PKIB: variants seen among roughly 807,000 people sequenced by gnomAD.
PKIB encodes cAMP-dependent protein kinase inhibitor beta, also known as PKI-beta.
A neutral mutation model predicts 4.5 loss-of-function variants in PKIB; 2 were observed. The observed-to-expected ratio is 0.44, with a 90% CI of 0.18 to 1.39. The LOEUF (loss-of-function observed/expected upper bound fraction) is 1.39, where lower values mean the gene tolerates loss of function less well. Among genes scored for constraint, PKIB ranks in the 40% most tolerant of loss-of-function variants. The pLI, the probability that PKIB is intolerant of heterozygous loss-of-function variation, is 0.27. For synonymous variants in PKIB, 38 were observed against 36.0 expected (o/e 1.06, Z -0.20); for missense variants, 94 against 92.6 (o/e 1.02, Z -0.06).
intron 2 of PKIB, among the ~76,000 whole-genome samples, chr6:122,490,875 A>C (rs1775917958): frequency 6.6e-6 from 1 of 152,186 alleles, no homozygotes; most frequent in South Asian, 2.1e-4. Context: ...TCCATAGGGA[A>C]GCTCTAGAAC....
intron 2 of PKIB, among the ~76,000 whole-genome samples, chr6:122,541,425 T>G (rs1777596662): frequency 6.6e-6 from 1 of 151,906 alleles, no homozygotes; most frequent in African/African-American, 2.4e-5. Flanking sequence ...AGTATTTTAT[T>G]TCTCCTTCAC....
intron 2 of PKIB, among the ~76,000 whole-genome samples, chr6:122,545,552 A>C (rs1772468085): frequency 6.6e-6 from 1 of 151,508 alleles, no homozygotes; most frequent in African/African-American, 2.4e-5. Context: ...GGTAATCAGC[A>C]TAATACCCGA....
chr6:122,575,248 A>G (rs1773492672), intron 2 of PKIB, among the ~76,000 whole-genome samples: 2 of 152,206 alleles, frequency 1.3e-5, no homozygotes, highest in African/African-American at 4.8e-5. Flanking sequence ...AAGTCAAAAA[A>G]CAATAGATGT....
At chr6:122,680,358 T>G (rs11961403) in intron 3 of PKIB, among the ~76,000 whole-genome samples, 5,199 of 152,358 alleles carry the variant, frequency 0.034, 117 homozygotes, top group South Asian at 0.054. Flanking sequence ...TAGATTCTTC[T>G]GGGCTTCTCT....
intron 2 of PKIB, among the ~76,000 whole-genome samples, chr6:122,542,083 T>C (rs192116310): frequency 1.3e-5 from 2 of 152,178 alleles, no homozygotes; most frequent in Admixed American, 1.3e-4. Flanking sequence ...TATCCATTTG[T>C]CTAATTTTTT....
At chr6:122,574,404 A>G (rs895323630) in intron 2 of PKIB, among the ~76,000 whole-genome samples, 5 of 152,176 alleles carry the variant, frequency 3.3e-5, no homozygotes, top group African/African-American at 1.2e-4. Context: ...CAGAACTAGA[A>G]AAAACAATCC....
chr6:122,520,908 A>G (rs1776922815), intron 2 of PKIB, among the ~76,000 whole-genome samples: 1 of 152,138 alleles, frequency 6.6e-6, no homozygotes, highest in African/African-American at 2.4e-5. Flanking sequence ...TTGTGGAAGC[A>G]TTTTCCCTGC....
chr6:122,657,811 T>C (rs1330078985), intron 2 of PKIB, among the ~76,000 whole-genome samples: 1 of 152,214 alleles, frequency 6.6e-6, no homozygotes, highest in Admixed American at 6.5e-5. Flanking sequence ...ATAAAACCAA[T>C]AAAAATTCTT....
intron 3 of PKIB, among the ~76,000 whole-genome samples, chr6:122,597,314 G>C (rs1774209775): frequency 6.6e-6 from 1 of 152,190 alleles, no homozygotes; most frequent in Non-Finnish European, 1.5e-5. Flanking sequence ...GCCCTAAGGT[G>C]GGACAGTAAA....
At chr6:122,700,940 C>G (rs1022321765) in intron 3 of PKIB, 1 of 153,784 alleles carries the variant, frequency 6.5e-6, no homozygotes, top group Non-Finnish European at 1.4e-5. Flanking sequence ...CAAGATTGGC[C>G]ATTTGGTGTG....
At chr6:122,550,359 G>T (rs1254117920) in intron 2 of PKIB, among the ~76,000 whole-genome samples, 1 of 151,984 alleles carries the variant, frequency 6.6e-6, no homozygotes, top group Non-Finnish European at 1.5e-5. Context: ...TATATCAGAA[G>T]ATTTTGTTTA....
At chr6:122,570,778 T>C (rs1773340881) in intron 2 of PKIB, among the ~76,000 whole-genome samples, 1 of 151,702 alleles carries the variant, frequency 6.6e-6, no homozygotes. Flanking sequence ...TTCAAGAAAA[T>C]TTTGAAGAAA....
At chr6:122,584,734 TTGTC>T (rs764066030) in intron 2 of PKIB, among the ~76,000 whole-genome samples, 1 of 152,132 alleles carries the variant, frequency 6.6e-6, no homozygotes, top group Non-Finnish European at 1.5e-5. Context: ...TAAGTATGAA[TTGTC>T]TGTTTAATTT....
chr6:122,526,924 T>C (rs1777108122), intron 2 of PKIB, among the ~76,000 whole-genome samples: 1 of 152,198 alleles, frequency 6.6e-6, no homozygotes, highest in African/African-American at 2.4e-5. Context: ...GGTTGTTTTG[T>C]CTACATTAAA....
intron 4 of PKIB, among the ~76,000 whole-genome samples, chr6:122,720,292 T>C (rs1295056648): frequency 1.3e-5 from 2 of 152,170 alleles, no homozygotes; most frequent in Admixed American, 1.3e-4. Flanking sequence ...TCATAATCTG[T>C]CTTAATCTAT....
chr6:122,706,706 C>G (rs1779069105), intron 3 of PKIB, among the ~76,000 whole-genome samples: 1 of 152,086 alleles, frequency 6.6e-6, no homozygotes, highest in South Asian at 2.1e-4. Flanking sequence ...ATCACATGAA[C>G]AAATTCTCAA....
At chr6:122,553,055 C>A (rs897380963) in intron 2 of PKIB, among the ~76,000 whole-genome samples, 1 of 152,078 alleles carries the variant, frequency 6.6e-6, no homozygotes, top group East Asian at 1.9e-4. Context: ...TATAAACTCT[C>A]CCTGTTCAAA....
chr6:122,717,586 C>G, intron 3 of PKIB: 1 of 533,130 alleles, frequency 1.9e-6, no homozygotes, highest in Non-Finnish European at 3.3e-6. Context: ...ATCTGGCTCA[C>G]ACTGAGGGCT....
chr6:122,551,318 CT>C lies in PKIB; in HGVS notation c.-247-34600del, dbSNP rs1020054084. Among the ~76,000 whole-genome samples the C allele has an allele frequency of 9.2e-5, 14 of 151,932 alleles. No homozygotes were observed. The East Asian group carries it at 1.7e-3, about 19-fold the overall frequency. On this transcript the variant is annotated intron_variant, in intron 2 of 6. Transcript: ENST00000392491. ...TTTCTCTCATTTCCTTTCTCTTTGT[CT>C]TTGCACTTTAATTACTAGATGATTT...
Sources: gnomAD v4.1 joint callset for allele counts (sites outside exome capture counted in the v4.1 genomes callset) on GRCh38, gnomAD v4.1.1 for gene constraint, MANE v1.5 for transcripts, NCBI Gene and HGNC (gene_info 2026-07-23, HGNC 2026-07-21) for gene names.